Variants in CNTLN observed in about 807,000 individuals in gnomAD.
The protein encoded by CNTLN is centlein, centrosomal protein.
A neutral mutation model predicts 180.0 loss-of-function variants in CNTLN; 212 were observed. The observed-to-expected ratio is 1.18, with a 90% CI of 1.05 to 1.32. The LOEUF (loss-of-function observed/expected upper bound fraction) is 1.32. CNTLN is among the 40% of genes most tolerant of loss of function. The pLI, the probability that CNTLN is intolerant of heterozygous loss-of-function variation, is 0.00. For missense variants in CNTLN, 2,095 were observed against 1,610.9 expected (o/e 1.30, Z -5.14); for synonymous variants, 722 against 563.1 (o/e 1.28, Z -3.99).
At chr9:17,418,985 C>T (rs545882219) in intron 18 of CNTLN, among the ~76,000 whole-genome samples, 1 of 152,080 alleles carries the variant, frequency 6.6e-6, no homozygotes, top group East Asian at 1.9e-4. Flanking sequence ...AGAATTTCCT[C>T]AAAAAAGCTT....
In CNTLN at chr9:17,257,726, A is replaced by G. The variant is rs1826616555; in HGVS notation, c.850-16007A>G. The stretch of plus-strand genomic sequence containing the variant: ...TTTGATTTGCATTTCTCTGATGGCC[A>G]GTGATGATGAGCATTTTTTCATGTG... On this transcript the variant is annotated intron_variant, in intron 5 of 25. Transcript: ENST00000380647. Among the ~76,000 whole-genome samples the G allele has an allele frequency of 2.6e-5, 4 of 151,506 alleles. No homozygotes were observed. The South Asian group carries it at 8.3e-4, about 31-fold the overall frequency.
the CNTLN span, among the ~76,000 whole-genome samples, chr9:17,522,872 C>T: frequency 9.9e-5 from 15 of 151,626 alleles, no homozygotes; most frequent in Non-Finnish European, 2.9e-5. Context: ...TCTCTTGATT[C>T]CTGTCTACTT....
At chr9:17,431,230 T>A (rs1190991678) in intron 18 of CNTLN, among the ~76,000 whole-genome samples, 1 of 152,154 alleles carries the variant, frequency 6.6e-6, no homozygotes. Context: ...TTTTGTCTTT[T>A]TGATAACAGC....
At chr9:17,272,561 T>C (rs1828026992) in intron 5 of CNTLN, among the ~76,000 whole-genome samples, 1 of 152,162 alleles carries the variant, frequency 6.6e-6, no homozygotes, top group Non-Finnish European at 1.5e-5. Context: ...AGATCTTCTT[T>C]CCAGCCTGAG....
intron 12 of CNTLN, among the ~76,000 whole-genome samples, chr9:17,346,100 G>A (rs559402777): frequency 5.1e-4 from 77 of 152,294 alleles, no homozygotes; most frequent in African/African-American, 1.8e-3. Context: ...CCACACGGCT[G>A]GGGAGGCCTC....
intron 2 of CNTLN, among the ~76,000 whole-genome samples, chr9:17,156,886 A>T (rs1325068507): frequency 6.6e-6 from 1 of 152,250 alleles, no homozygotes; most frequent in Non-Finnish European, 1.5e-5. Context: ...TATGGACTTA[A>T]TCCTTTGGGA....
intron 8 of CNTLN, among the ~76,000 whole-genome samples, chr9:17,322,375 C>G (rs1434532768): frequency 1.3e-5 from 2 of 151,950 alleles, no homozygotes; most frequent in African/African-American, 4.8e-5. Context: ...AAAATTTGAA[C>G]TTGTTATCAT....
intron 5 of CNTLN, among the ~76,000 whole-genome samples, chr9:17,243,510 T>C (rs982121647): frequency 6.6e-6 from 1 of 152,138 alleles, no homozygotes; most frequent in East Asian, 1.9e-4. Context: ...GTATGGTGTG[T>C]TTCCGTTATC....
intron 14 of CNTLN, among the ~76,000 whole-genome samples, chr9:17,390,386 G>A (rs1040789658): frequency 7.9e-5 from 12 of 151,740 alleles, no homozygotes; most frequent in African/African-American, 2.7e-4. Context: ...CTACAGGTGT[G>A]CGCCACTATG....
At chr9:17,359,489 A>G (rs1823120757) in intron 12 of CNTLN, among the ~76,000 whole-genome samples, 1 of 151,980 alleles carries the variant, frequency 6.6e-6, no homozygotes, top group African/African-American at 2.4e-5. Flanking sequence ...GGAAAGTAGT[A>G]GTACTCAGAA....
At chr9:17,202,583 T>C (rs1247901399) in intron 2 of CNTLN, among the ~76,000 whole-genome samples, 1 of 152,036 alleles carries the variant, frequency 6.6e-6, no homozygotes, top group African/African-American at 2.4e-5. Context: ...ATGCCCTTCT[T>C]TGTCTTTTTT....
intron 1 of CNTLN, among the ~76,000 whole-genome samples, 196 bp downstream of exon 1, chr9:17,135,621 C>T (rs1333223492): frequency 6.6e-6 from 1 of 152,092 alleles, no homozygotes; most frequent in Non-Finnish European, 1.5e-5. Flanking sequence ...GGGCCCCTGC[C>T]CCTTTCCGAA....
In CNTLN at chr9:17,224,307, A is replaced by T. The variant is rs114890573; in HGVS notation, c.450-1896A>T. Among the ~76,000 whole-genome samples the T allele has an allele frequency of 5.2e-3, 790 of 152,152 alleles. 5 individuals carry two copies. The highest frequency in any genetic ancestry group is 0.018 in the African/African-American group (758 of 41,538). ...GTCCCTAGTCCAATGACTGTTATATAATAAATGTGCAATAAATACTTGAAT... is the reference window on the plus strand; with the variant it reads ...GTCCCTAGTCCAATGACTGTTATATTATAAATGTGCAATAAATACTTGAAT... On this transcript the variant is annotated intron_variant, in intron 2 of 25. Transcript: ENST00000380647.
In CNTLN at chr9:17,274,052, G is replaced by T. The variant is rs79434689; in HGVS notation, c.983+186G>T. 3.8e-3 allele frequency among the ~76,000 whole-genome samples: 585 copies of T among 152,136 alleles called. 3 individuals carry two copies. The highest frequency in any genetic ancestry group is 0.013 in the African/African-American group (520 of 41,530). ...AAAAATTGCCTGGAAGAATGAGTGGGTCTACAGGATTGGACGAGCATGGTC... is the reference window on the plus strand; with the variant it reads ...AAAAATTGCCTGGAAGAATGAGTGGTTCTACAGGATTGGACGAGCATGGTC... On this transcript the variant is annotated intron_variant, in intron 6 of 25. Transcript: ENST00000380647.
At chr9:17,284,166 C>T (rs1043929064) in intron 6 of CNTLN, among the ~76,000 whole-genome samples, 7 of 152,214 alleles carry the variant, frequency 4.6e-5, no homozygotes, top group East Asian at 1.9e-4. Flanking sequence ...GGATTACAGG[C>T]GCTTCCAGTA....
At chr9:17,148,780 A>G (rs562498436) in intron 2 of CNTLN, among the ~76,000 whole-genome samples, 6 of 152,166 alleles carry the variant, frequency 3.9e-5, no homozygotes, top group Non-Finnish European at 8.8e-5. Flanking sequence ...CTTTGTGTGT[A>G]CCTGCAAATG....
the CNTLN span, among the ~76,000 whole-genome samples, chr9:17,525,292 T>A: frequency 6.6e-6 from 1 of 152,182 alleles, no homozygotes; most frequent in Non-Finnish European, 1.5e-5. Flanking sequence ...ATTAAGTACA[T>A]ATAAACAGTA....
chr9:17,253,927 C>T (rs769489362), intron 5 of CNTLN, among the ~76,000 whole-genome samples: 8 of 151,178 alleles, frequency 5.3e-5, no homozygotes, highest in African/African-American at 9.7e-5. Context: ...TATATATGGT[C>T]TTTATTATTT....
intron 2 of CNTLN, among the ~76,000 whole-genome samples, chr9:17,183,496 A>G (rs919466803): frequency 2.0e-5 from 3 of 151,102 alleles, no homozygotes; most frequent in African/African-American, 4.9e-5. Context: ...TTTTTTTTGT[A>G]AAAAAGGAGA....
Sources: allele counts gnomAD v4.1 joint callset (sites outside exome capture counted in the v4.1 genomes callset), GRCh38; gene constraint gnomAD v4.1.1; transcripts MANE v1.5; gene names NCBI Gene and HGNC (gene_info 2026-07-23, HGNC 2026-07-21).